Variants in NALF1 observed in about 807,000 individuals in gnomAD.
The protein encoded by NALF1 is NALCN channel auxiliary factor 1.
A neutral mutation model predicts 48.4 loss-of-function variants in NALF1; 3 were observed. The ratio of observed to expected loss-of-function variants is 0.06; its 90% CI spans 0.03 to 0.16. NALF1 has a LOEUF of 0.16. NALF1 is among the 10% of genes least tolerant of loss of function. NALF1 has a pLI of 1.00. For missense variants in NALF1, 526 were observed against 571.5 expected (o/e 0.92, Z 0.81); for synonymous variants, 262 against 245.7 (o/e 1.07, Z -0.62).
At chr13:107,472,958 C>T (rs1207151516) in intron 1 of NALF1, among the ~76,000 whole-genome samples, 1 of 152,200 alleles carries the variant, frequency 6.6e-6, no homozygotes, top group Non-Finnish European at 1.5e-5. Flanking sequence ...TCTTTTGCTG[C>T]TTTTTTCCTT....
At chr13:107,697,738 A>T (rs1045146328) in intron 1 of NALF1, among the ~76,000 whole-genome samples, 1 of 152,314 alleles carries the variant, frequency 6.6e-6, no homozygotes, top group East Asian at 1.9e-4. Flanking sequence ...AAGTATTAAC[A>T]TTGAAGTCGC....
intron 1 of NALF1, among the ~76,000 whole-genome samples, chr13:107,579,279 C>G (rs1484964993): frequency 1.3e-5 from 2 of 152,142 alleles, no homozygotes; most frequent in Non-Finnish European, 2.9e-5. Context: ...TTAGTAGAAA[C>G]AGGGTTTTAC....
chr13:107,604,347 T>C (rs1879009258), intron 1 of NALF1, among the ~76,000 whole-genome samples: 1 of 152,192 alleles, frequency 6.6e-6, no homozygotes, highest in African/African-American at 2.4e-5. Flanking sequence ...AATTCAGTCT[T>C]TTTCCCCCTT....
chr13:107,545,487 C>T (rs1877112002), intron 1 of NALF1, among the ~76,000 whole-genome samples: 2 of 152,128 alleles, frequency 1.3e-5, no homozygotes, highest in African/African-American at 4.8e-5. Context: ...CAATAGACTA[C>T]AGCAGAGCAA....
intron 1 of NALF1, among the ~76,000 whole-genome samples, chr13:107,511,316 A>G (rs1323769742): frequency 6.6e-6 from 1 of 152,162 alleles, no homozygotes; most frequent in Non-Finnish European, 1.5e-5. Context: ...AATATATGAC[A>G]TGTGATTGGG....
chr13:107,305,147 T>C (rs563750762), intron 1 of NALF1, among the ~76,000 whole-genome samples: 1 of 152,356 alleles, frequency 6.6e-6, no homozygotes, highest in Admixed American at 6.5e-5. Flanking sequence ...TAGTAAATCA[T>C]ACCTCATTGC....
At chr13:107,365,525 A>G (rs923895030) in intron 1 of NALF1, among the ~76,000 whole-genome samples, 39 of 152,198 alleles carry the variant, frequency 2.6e-4, no homozygotes, top group African/African-American at 9.2e-4. Context: ...GCAGAAGCAG[A>G]AAAGAACAAC....
chr13:107,380,537 C>G (rs1051459536), intron 1 of NALF1, among the ~76,000 whole-genome samples: 3 of 152,114 alleles, frequency 2.0e-5, no homozygotes, highest in Admixed American at 6.5e-5. Context: ...AAATTCTCCC[C>G]GGCCCCCACA....
chr13:107,806,166 TAG>T (rs1266498731), intron 1 of NALF1, among the ~76,000 whole-genome samples: 3 of 152,182 alleles, frequency 2.0e-5, no homozygotes, highest in Non-Finnish European at 4.4e-5. Context: ...AGGGCTGACC[TAG>T]ATTCCAATAC....
At chr13:107,503,073 A>G (rs1875572501) in intron 1 of NALF1, among the ~76,000 whole-genome samples, 1 of 152,082 alleles carries the variant, frequency 6.6e-6, no homozygotes, top group Non-Finnish European at 1.5e-5. Flanking sequence ...AAAAAATAAA[A>G]CTGAATGTGA....
At chr13:107,721,629 C>T (rs1387470972) in intron 1 of NALF1, among the ~76,000 whole-genome samples, 1 of 152,188 alleles carries the variant, frequency 6.6e-6, no homozygotes, top group Non-Finnish European at 1.5e-5. Flanking sequence ...TTTCCCTCTT[C>T]TGGGACCTGC....
chr13:107,745,977 A>C (rs1452904110), intron 1 of NALF1, among the ~76,000 whole-genome samples: 1 of 152,176 alleles, frequency 6.6e-6, no homozygotes, highest in Non-Finnish European at 1.5e-5. Context: ...TTTACATTTC[A>C]TTCTGCTGCC....
chr13:107,743,484 A>C (rs537655283), intron 1 of NALF1, among the ~76,000 whole-genome samples: 1 of 152,376 alleles, frequency 6.6e-6, no homozygotes, highest in African/African-American at 2.4e-5. Context: ...GAAAGCACAA[A>C]GCAAGGGCTG....
At chr13:107,210,850 A>G (rs1879746364) in intron 1 of NALF1, 95 bp from the exon 2 acceptor site, 2 of 814,366 alleles carry the variant, frequency 2.5e-6, no homozygotes, top group Admixed American at 2.1e-5. Flanking sequence ...TGTGGTTTCA[A>G]GTGGATCCTA....
At chr13:107,623,115 A>G (rs998220800) in intron 1 of NALF1, among the ~76,000 whole-genome samples, 6 of 152,186 alleles carry the variant, frequency 3.9e-5, no homozygotes, top group African/African-American at 1.2e-4. Context: ...ACCTAGATCT[A>G]TAACTCCCTC....
chr13:107,194,227 A>T (rs1326715960), intron 2 of NALF1, among the ~76,000 whole-genome samples: 3 of 152,190 alleles, frequency 2.0e-5, no homozygotes, highest in Non-Finnish European at 4.4e-5. Flanking sequence ...AGACATTGTG[A>T]AGATGTAATG....
intron 1 of NALF1, among the ~76,000 whole-genome samples, chr13:107,753,030 T>C (rs536028436): frequency 2.6e-5 from 4 of 152,326 alleles, no homozygotes; most frequent in African/African-American, 4.8e-5. Flanking sequence ...AACATAAATA[T>C]ATGCACTGTG....
At chr13:107,506,744 A>G (rs182454499) in intron 1 of NALF1, among the ~76,000 whole-genome samples, 18 of 152,190 alleles carry the variant, frequency 1.2e-4, no homozygotes, top group Admixed American at 1.3e-4. Context: ...ATTCATATAC[A>G]TATTTTTATT....
intron 1 of NALF1, among the ~76,000 whole-genome samples, chr13:107,666,935 T>G (rs1880873910): frequency 6.6e-6 from 1 of 152,120 alleles, no homozygotes; most frequent in African/African-American, 2.4e-5. Flanking sequence ...TTCAGGTATG[T>G]TAGAGCAAGT....
Sources: gnomAD v4.1 joint callset for allele counts (sites outside exome capture counted in the v4.1 genomes callset) on GRCh38, gnomAD v4.1.1 for gene constraint, MANE v1.5 for transcripts, NCBI Gene and HGNC (gene_info 2026-07-23, HGNC 2026-07-21) for gene names.